The following FER1L6 variants were observed in gnomAD, a reference collection of about 807,000 sequenced individuals.
The protein encoded by FER1L6 is fer-1-like protein 6.
A neutral mutation model predicts 219.2 loss-of-function variants in FER1L6; 177 were observed. The ratio of observed to expected loss-of-function variants is 0.81; its 90% CI spans 0.71 to 0.91. The LOEUF is 0.91. FER1L6 is among the 40% of genes least tolerant of loss of function. The probability of loss-of-function intolerance (pLI) is 0.00; values close to 1 mark genes in which losing one functional copy is unlikely to be tolerated. For missense variants in FER1L6, 2,153 were observed against 2,259.9 expected (o/e 0.95, Z 0.96); for synonymous variants, 768 against 824.3 (o/e 0.93, Z 1.17).
Position 124,035,669 on chromosome 8 carries a change from C to T in FER1L6, c.2464+215C>T, listed in dbSNP as rs535551401. ...TCATTAAACACATCTGGAATAAACA[C>T]TTATGTTTCTCTGTTAATAGAGAGG... On this transcript the variant is annotated intron_variant, in intron 19 of 40. Coordinates refer to ENST00000522917, the MANE Select transcript of FER1L6 (RefSeq NM_001039112.2). Among the ~76,000 whole-genome samples, 3 of 152,316 alleles carry T rather than the reference C, an allele frequency of 2.0e-5. No individual in the cohort carries two copies. In the East Asian group the frequency reaches 5.8e-4, roughly 29 times the overall value.
At chr8:123,883,776 G>A (rs1817152435) in intron 1 of FER1L6, among the ~76,000 whole-genome samples, 1 of 152,074 alleles carries the variant, frequency 6.6e-6, no homozygotes, top group Non-Finnish European at 1.5e-5. Context: ...ATGGTGTCAG[G>A]GATTGAAGGA....
In FER1L6 at chr8:124,070,448, T is replaced by C; in HGVS notation, c.3835-19T>C. The C allele has an allele frequency of 1.2e-6, 2 of 1,612,082 alleles. No homozygotes were observed. The highest frequency in any genetic ancestry group is 1.7e-6 in the Non-Finnish European group (2 of 1,178,836). On this transcript the variant is annotated intron_variant, in intron 29 of 40. Coordinates refer to ENST00000522917, the MANE Select transcript of FER1L6 (RefSeq NM_001039112.2). ...GGCTTTCCTTCCTCTTAGCACAATC[T>C]TCTCCCTTTTCCCTAAAGATATATG...
At chr8:124,058,963 G>A (rs1174950659) in intron 22 of FER1L6, 5 of 152,180 alleles carry the variant, frequency 3.3e-5, no homozygotes, top group African/African-American at 9.7e-5. Flanking sequence ...TGTTGCCAAC[G>A]AGAATATGTC....
chr8:123,861,421 C>G (rs1816742990), intron 1 of FER1L6, among the ~76,000 whole-genome samples: 1 of 149,174 alleles, frequency 6.7e-6, no homozygotes, highest in African/African-American at 2.6e-5. Context: ...GGTGTGATGC[C>G]TCCAGCTTTG....
chr8:123,918,678 T>G, intron 1 of FER1L6, among the ~76,000 whole-genome samples: 2 of 146,914 alleles, frequency 1.4e-5, no homozygotes, highest in Admixed American at 1.4e-4. Context: ...GAGCTGAGAG[T>G]GAATGCTGTT....
chr8:124,097,675 T>G, intron 36 of FER1L6, 110 bp from the exon 37 acceptor site: 1 of 684,136 alleles, frequency 1.5e-6, no homozygotes, highest in Non-Finnish European at 2.6e-6. Context: ...ATTTCTGAAC[T>G]TGGCAAACTT....
intron 33 of FER1L6, among the ~76,000 whole-genome samples, chr8:124,083,514 T>C (rs893072481): frequency 1.1e-4 from 16 of 152,176 alleles, no homozygotes; most frequent in African/African-American, 3.9e-4. Flanking sequence ...TTGGCATCTT[T>C]GTTGAAAATG....
chr8:123,889,105 A>T (rs1009191433), intron 1 of FER1L6, among the ~76,000 whole-genome samples: 13 of 152,342 alleles, frequency 8.5e-5, no homozygotes, highest in African/African-American at 3.1e-4. Flanking sequence ...AAAACCATAA[A>T]CCCAGCCAAA....
At chr8:124,085,306 A>G (rs1023762086) in intron 33 of FER1L6, among the ~76,000 whole-genome samples, 2 of 151,956 alleles carry the variant, frequency 1.3e-5, no homozygotes, top group Non-Finnish European at 2.9e-5. Context: ...TCATTAAGAT[A>G]TATTGTTACA....
intron 39 of FER1L6, among the ~76,000 whole-genome samples, chr8:124,109,383 G>A (rs777800060): frequency 1.3e-5 from 2 of 152,156 alleles, no homozygotes; most frequent in Non-Finnish European, 2.9e-5. Flanking sequence ...CTGACAGAAG[G>A]GAAGATGGAG....
At chr8:123,993,543 T>G (rs941723195) in intron 12 of FER1L6, among the ~76,000 whole-genome samples, 3 of 152,160 alleles carry the variant, frequency 2.0e-5, no homozygotes, top group Non-Finnish European at 4.4e-5. Context: ...TTACAGACTT[T>G]CCTGCTGAGC....
At position 124,070,478 on chromosome 8, in the gene FER1L6, T is replaced by C. The variant is rs1283749770; in HGVS notation, c.3846T>C (p.Gly1282=). ...CCTTTTCCCTAAAGATATATGACGG[T>C]GATCTCGAGAGTGAATTCAACAATT... ...PNLAILQIYD[G]DLESEFNNFE... is the part of the protein sequence containing the mutation. The change falls in exon 30 of 41, where the codon GGT becomes GGC. Residue 1282 remains glycine, a synonymous_variant. Transcript: ENST00000522917. The C allele has an allele frequency of 7.4e-6, 12 of 1,613,636 alleles. No individual in the cohort carries two copies. Among genetic ancestry groups the C allele is most frequent in the African/African-American group, 2.7e-5 (2 of 74,916 alleles).
intron 36 of FER1L6, 110 bp from the exon 37 acceptor site, chr8:124,097,675 T>C (rs1161959265): frequency 1.5e-6 from 1 of 684,136 alleles, no homozygotes; most frequent in East Asian, 2.6e-5. Flanking sequence ...ATTTCTGAAC[T>C]TGGCAAACTT....
At chr8:124,107,277 T>G (rs2131008461) in intron 39 of FER1L6, among the ~76,000 whole-genome samples, 1 of 152,338 alleles carries the variant, frequency 6.6e-6, no homozygotes, top group South Asian at 2.1e-4. Context: ...TTCTGTTTAC[T>G]CAGTGTACTG....
At chr8:124,064,613 G>T (rs1191954554) in intron 26 of FER1L6, 40 bp downstream of exon 26, 1 of 1,577,790 alleles carries the variant, frequency 6.3e-7, no homozygotes, top group South Asian at 1.1e-5. Context: ...AAGGCTCATT[G>T]GAGTTTGCAT....
intron 13 of FER1L6, among the ~76,000 whole-genome samples, chr8:124,006,071 T>A (rs1817641657): frequency 6.6e-6 from 1 of 152,236 alleles, no homozygotes; most frequent in Admixed American, 6.5e-5. Context: ...CCTCTGTCTT[T>A]TAACTTCATT....
rs182657548 is a variant in FER1L6 at position 124,108,103 on chromosome 8, T to C, written c.5289+4794T>C. Among the ~76,000 whole-genome samples, 76 of 152,304 alleles carry C rather than the reference T, an allele frequency of 5.0e-4. No individual in the cohort carries two copies. In the Middle Eastern group the frequency reaches 0.014, roughly 27 times the overall value. ...GGCCAAGCACAGTGGCATGCACCTG[T>C]AGTCTCAGCTACTTGGGGTGCCGAG... On this transcript the variant is annotated intron_variant, in intron 39 of 40. Transcript: ENST00000522917.
intron 15 of FER1L6, 97 bp downstream of exon 15, chr8:124,013,628 T>C (rs2130581099): frequency 1.4e-6 from 1 of 720,832 alleles, no homozygotes; most frequent in African/African-American, 1.8e-5. Context: ...TGCATTCAAA[T>C]GGGTGTTTTA....
intron 12 of FER1L6, among the ~76,000 whole-genome samples, chr8:123,989,972 C>T (rs762591484): frequency 5.3e-5 from 8 of 152,058 alleles, no homozygotes; most frequent in African/African-American, 9.7e-5. Context: ...ACTTTTAGTT[C>T]TTTAAGAAAT....
Sources: gnomAD v4.1 joint callset for allele counts (sites outside exome capture counted in the v4.1 genomes callset) on GRCh38, gnomAD v4.1.1 for gene constraint, MANE v1.5 for transcripts, NCBI Gene and HGNC (gene_info 2026-07-23, HGNC 2026-07-21) for gene names.